The following HPSE variants were observed in gnomAD, a reference collection of about 807,000 sequenced individuals.
HPSE encodes endo-glucoronidase.
Under a neutral mutation model 65.1 loss-of-function variants are expected in HPSE, and 48 were observed. That is an observed-to-expected ratio of 0.74 (90% CI 0.58 to 0.94). HPSE has a LOEUF of 0.94. Among genes scored for constraint, HPSE ranks in the 40% least tolerant of loss-of-function variants. The pLI, the probability that HPSE is intolerant of heterozygous loss-of-function variation, is 0.00. For missense variants in HPSE, 644 were observed against 637.5 expected, an observed-to-expected ratio of 1.01 and a Z score of -0.11; for synonymous variants, 243 against 260.0, an observed-to-expected ratio of 0.93 and a Z score of 0.63.
chr4:83,302,406 C>CT (rs779578507), intron 9 of HPSE, 138 bp from the exon 10 acceptor site: 21,768 of 494,298 alleles, frequency 0.044, 4 homozygotes, highest in South Asian at 0.059. Flanking sequence ...TAGGATTCAT[C>CT]TTTTTTTTTT....
At chr4:83,309,862 A>T (rs1018290591) in intron 6 of HPSE, among the ~76,000 whole-genome samples, 169 bp downstream of exon 6, 4 of 152,156 alleles carry the variant, frequency 2.6e-5, no homozygotes, top group Non-Finnish European at 5.9e-5. Context: ...AATAACTTTA[A>T]ATTTTTTTTA....
In HPSE at chr4:83,322,343, C is replaced by G; in HGVS notation, c.249G>C (p.Leu83Phe). Residue 83 changes from leucine to phenylalanine, a missense_variant, in exon 2 of 12, where the codon TTG (leucine) becomes TTC (phenylalanine). Coordinates refer to ENST00000311412, the MANE Select transcript of HPSE (RefSeq NM_001098540.3). ...ILLGSPKLRT[L>F]ARGLSPAYLR... ...GGTACGCAGGAGACAAGCCTCTGGC[C>G]AAGGTACGAAGCTTTGGAGAACTGT... The G allele has an allele frequency of 6.2e-7, 1 of 1,613,094 alleles. No homozygotes were observed. The highest frequency in any genetic ancestry group is 1.1e-5 in the South Asian group (1 of 90,854).
chr4:83,325,408 C>T (rs934914345), intron 1 of HPSE, among the ~76,000 whole-genome samples: 4 of 152,112 alleles, frequency 2.6e-5, no homozygotes, highest in East Asian at 1.9e-4. Context: ...TCAGGTGATC[C>T]GCCCACCTCA....
intron 11 of HPSE, among the ~76,000 whole-genome samples, chr4:83,300,502 A>T (rs1011171209): frequency 7.2e-5 from 11 of 152,344 alleles, no homozygotes; most frequent in Non-Finnish European, 1.0e-4. Flanking sequence ...TTAGACTCTT[A>T]GGGTGAGTTA....
At chr4:83,301,356 A>G (rs994607663) in intron 10 of HPSE, among the ~76,000 whole-genome samples, 3 of 152,160 alleles carry the variant, frequency 2.0e-5, no homozygotes, top group Admixed American at 1.3e-4. Flanking sequence ...TGTCTGGGCT[A>G]GAGCACACTG....
At chr4:83,307,322 T>C (rs10428418) in intron 8 of HPSE, among the ~76,000 whole-genome samples, 6,130 of 152,300 alleles carry the variant, frequency 0.04, 434 homozygotes, top group African/African-American at 0.14. Flanking sequence ...GGTTCTGGTT[T>C]ATTGATCTTT....
Position 83,312,648 on chromosome 4 carries a change from A to C in HPSE, c.673+466T>G, listed in dbSNP as rs569036931. Among the ~76,000 whole-genome samples the C allele has an allele frequency of 2.9e-5, 4 of 137,814 alleles. No individual in the cohort carries two copies. The South Asian group carries it at 9.4e-4, about 33-fold the overall frequency. The allele number at this position is 137,814 out of a possible 152,430, so 90.4% of individuals were successfully genotyped here. ...AGCCGAGATGGCGCCACTGCACTCC[A>C]GCCTGGGCGACAGAGCGAGACTCCG... On this transcript the variant is annotated intron_variant, in intron 4 of 11. Coordinates refer to ENST00000311412, the MANE Select transcript of HPSE (RefSeq NM_001098540.3).
At position 83,306,255 on chromosome 4, in the gene HPSE, A is replaced by C; in HGVS notation, c.1154T>G (p.Phe385Cys). The C allele has an allele frequency of 6.2e-7, 1 of 1,613,924 alleles. No individual in the cohort carries two copies. ...TAAATGGTAGTTTCCTGCTCCAAAG[A>C]ATACTTGCCTCATCACCACTTCTAT... ...MGIEVVMRQV[F>C]FGAGNYHLVD... Residue 385 changes from phenylalanine to cysteine, a missense_variant, in exon 9 of 12, where the codon TTC becomes TGC. By Grantham distance (205) the Phe-to-Cys change is radical. Transcript: ENST00000311412.
chr4:83,305,986 G>A (rs1458102981), intron 9 of HPSE, among the ~76,000 whole-genome samples: 1 of 152,066 alleles, frequency 6.6e-6, no homozygotes, highest in African/African-American at 2.4e-5. Context: ...TACTGCAAAT[G>A]GCTTACCTTT....
In HPSE at chr4:83,319,351, G is replaced by C. The variant is rs1216750705; in HGVS notation, c.492C>G (p.Thr164=). The C allele has an allele frequency of 6.2e-7, 1 of 1,613,776 alleles. No homozygotes were observed. Among genetic ancestry groups the C allele is most frequent in the East Asian group, 2.2e-5 (1 of 44,852 alleles). ...EHYQKKFKNS[T]YSRSSVDVLY... is the part of the protein sequence containing the mutation. ...GTGCCTTTCATTTCTTACTTGAGTA[G>C]GTGCTGTTCTTGAACTTTTTCTGGT... is the stretch of plus-strand genomic sequence containing the variant. The change falls in exon 3 of 12, where the codon ACC becomes ACG. Residue 164 remains threonine (T), a synonymous_variant. Coordinates refer to ENST00000311412, the MANE Select transcript of HPSE (RefSeq NM_001098540.3).
intron 1 of HPSE, among the ~76,000 whole-genome samples, chr4:83,332,160 C>A (rs534998150): frequency 6.6e-6 from 1 of 152,372 alleles, no homozygotes; most frequent in Non-Finnish European, 1.5e-5. Context: ...ATCCCGCCCA[C>A]ACATCTTCAC....
chr4:83,322,448 G>C, intron 1 of HPSE, 84 bp from the exon 2 acceptor site: 1 of 1,146,020 alleles, frequency 8.7e-7, no homozygotes, highest in Non-Finnish European at 1.2e-6. Flanking sequence ...TTTCCTGGTG[G>C]ACCTATTTCT....
intron 1 of HPSE, among the ~76,000 whole-genome samples, chr4:83,327,066 C>T (rs1737184110): frequency 6.6e-6 from 1 of 152,204 alleles, no homozygotes; most frequent in African/African-American, 2.4e-5. Context: ...CCTTGGCTTA[C>T]TCTCTATTGC....
rs1284949599 is a variant in HPSE at position 83,292,840 on chromosome 4, G to T, written c.*2504C>A. ...ACAAGAACATACACAGTGGTATAAGGGATGTTGGAGACTCAGAAGGGAAGA... is the reference window on the plus strand; with the variant it reads ...ACAAGAACATACACAGTGGTATAAGTGATGTTGGAGACTCAGAAGGGAAGA... On this transcript the variant is annotated 3_prime_UTR_variant, in exon 12 of 12. Transcript: ENST00000311412. 6.6e-6 allele frequency: 1 copy of T among 152,162 alleles called. No homozygotes were observed. The highest frequency in any genetic ancestry group is 1.5e-5 in the Non-Finnish European group (1 of 68,036). The allele number at this position is 152,162 out of a possible 1,614,324, so 9.4% of individuals were successfully genotyped here. A position where few individuals can be genotyped will look rare whatever the true frequency, so the allele number is the denominator to read the frequency against.
intron 6 of HPSE, 21 bp from the exon 7 acceptor site, chr4:83,309,516 T>A (rs1161870863): frequency 7.8e-7 from 1 of 1,276,408 alleles, no homozygotes; most frequent in Admixed American, 1.9e-5. Context: ...CAGAAAATAT[T>A]CAGAAAAAAA....
At chr4:83,333,784 G>A (rs961241624) in intron 1 of HPSE, among the ~76,000 whole-genome samples, 3 of 151,464 alleles carry the variant, frequency 2.0e-5, no homozygotes, top group Middle Eastern at 3.2e-3. Flanking sequence ...AGTCTCCTAG[G>A]TCTCATTTAT....
Position 83,334,796 on chromosome 4 carries a change from G to A in HPSE, c.-14C>T. The A allele has an allele frequency of 6.6e-7, 1 of 1,507,390 alleles. No individual in the cohort carries two copies. The highest frequency in any genetic ancestry group is 2.5e-5 in the East Asian group (1 of 40,420). The allele number at this position is 1,507,390 out of a possible 1,614,324, so 93.4% of individuals were successfully genotyped here. A position where few individuals can be genotyped will look rare whatever the true frequency, so the allele number is the denominator to read the frequency against. Reference sequence around the variant, plus strand: ...GCGCAGCAGCATCTTGGGCTCACCTGGCTGCTCCCCCCGCCAGCTGCCGCG... The same window carrying A: ...GCGCAGCAGCATCTTGGGCTCACCTAGCTGCTCCCCCCGCCAGCTGCCGCG... On this transcript the variant is annotated 5_prime_UTR_variant, in exon 1 of 12. Coordinates refer to ENST00000311412, the MANE Select transcript of HPSE (RefSeq NM_001098540.3).
At chr4:83,324,589 G>A (rs980744384) in intron 1 of HPSE, among the ~76,000 whole-genome samples, 5 of 152,060 alleles carry the variant, frequency 3.3e-5, no homozygotes, top group Admixed American at 6.6e-5. Context: ...TTATCAACCC[G>A]AATTCACCCT....
At chr4:83,322,133 G>A in intron 2 of HPSE, 86 bp downstream of exon 2, 1 of 1,105,752 alleles carries the variant, frequency 9.0e-7, no homozygotes. Flanking sequence ...TAATTGTTAG[G>A]TGTGAGAAAT....
Sources: gnomAD v4.1 joint callset for allele counts (sites outside exome capture counted in the v4.1 genomes callset) on GRCh38, gnomAD v4.1.1 for gene constraint, MANE v1.5 for transcripts, NCBI Gene and HGNC (gene_info 2026-07-23, HGNC 2026-07-21) for gene names.